Variants in PCDHGB1 observed in about 807,000 individuals in gnomAD.
PCDHGB1 encodes protocadherin gamma-B1.
PCDHGB1 carries 34 observed loss-of-function variants against 56.6 expected under a neutral mutation model. The observed-to-expected ratio is 0.60, with a 90% CI of 0.46 to 0.80. PCDHGB1 has a LOEUF of 0.80. Ranked by LOEUF, PCDHGB1 falls within the 30% of genes least tolerant of loss-of-function variation. PCDHGB1 has a pLI of 0.00. For missense variants in PCDHGB1, 1,278 were observed against 1,204.6 expected (o/e 1.06, Z -0.90); for synonymous variants, 561 against 505.9 (o/e 1.11, Z -1.46).
chr5:141,368,008 G>A (rs1189583179), intron 1 of PCDHGB1, among the ~76,000 whole-genome samples: 1 of 152,086 alleles, frequency 6.6e-6, no homozygotes, highest in African/African-American at 2.4e-5. Context: ...ATGAAATACT[G>A]GCCTATGTGC....
intron 1 of PCDHGB1, among the ~76,000 whole-genome samples, chr5:141,446,430 T>A (rs1468987045): frequency 6.6e-6 from 1 of 152,058 alleles, no homozygotes; most frequent in Non-Finnish European, 1.5e-5. Flanking sequence ...ATTTGAAGGA[T>A]CTGAGAAACA....
intron 3 of PCDHGB1, among the ~76,000 whole-genome samples, chr5:141,507,777 CT>C (rs1213538221): frequency 6.6e-6 from 1 of 152,220 alleles, no homozygotes; most frequent in Admixed American, 6.5e-5. Context: ...CACACAGGGC[CT>C]GACCCTCGTC....
intron 1 of PCDHGB1, chr5:141,382,902 G>A: frequency 6.5e-7 from 1 of 1,543,512 alleles, no homozygotes; most frequent in South Asian, 1.2e-5. Flanking sequence ...GGACGACTAT[G>A]GCGGCTCAGC....
chr5:141,443,938 G>T (rs1330111540), intron 1 of PCDHGB1, among the ~76,000 whole-genome samples: 1 of 152,014 alleles, frequency 6.6e-6, no homozygotes, highest in Non-Finnish European at 1.5e-5. Context: ...CTCACAGCAG[G>T]TTTCCTTATT....
chr5:141,393,805 C>T (rs1266380650), intron 1 of PCDHGB1: 3 of 1,613,914 alleles, frequency 1.9e-6, no homozygotes, highest in South Asian at 1.1e-5. Flanking sequence ...CTGGGGAGGA[C>T]CAAATTGCTC....
chr5:141,362,425 G>A, intron 1 of PCDHGB1: 1 of 1,614,008 alleles, frequency 6.2e-7, no homozygotes, highest in South Asian at 1.1e-5. Flanking sequence ...AGCCAAGACA[G>A]AGTTCAATTT....
At position 141,350,152 on chromosome 5, in the gene PCDHGB1, C is replaced by T. The variant is rs1758417714; in HGVS notation, c.-109C>T. 5 of 974,858 alleles carry T rather than the reference C, an allele frequency of 5.1e-6. No individual in the cohort carries two copies. The highest frequency in any genetic ancestry group is 5.7e-6 in the Non-Finnish European group (4 of 706,490). 60.4% of individuals were successfully genotyped at this position (974,858 alleles called of 1,614,324 possible). On this transcript the variant is annotated 5_prime_UTR_variant, in exon 1 of 4. Coordinates refer to ENST00000523390, the MANE Select transcript of PCDHGB1 (RefSeq NM_018922.3). ...CACAGACGCTGCTCCTGTTCACCCT[C>T]GAGCGCCTAACTAATAAGTCCTAAG...
intron 1 of PCDHGB1, chr5:141,357,292 G>T: frequency 6.2e-7 from 1 of 1,613,972 alleles, no homozygotes; most frequent in African/African-American, 1.3e-5. Flanking sequence ...GGTGGCAGTG[G>T]CCGCTGTCTC....
intron 1 of PCDHGB1, among the ~76,000 whole-genome samples, chr5:141,363,316 T>C (rs551675221): frequency 4.6e-5 from 7 of 152,280 alleles, no homozygotes; most frequent in Non-Finnish European, 1.0e-4. Context: ...TAGTTTTCTA[T>C]GAAAGTGTTA....
At chr5:141,419,431 G>A in intron 1 of PCDHGB1, 2 of 1,613,306 alleles carry the variant, frequency 1.2e-6, no homozygotes. Context: ...ACCACGAGCA[G>A]CTGCGCACCT....
At chr5:141,366,288 C>G (rs1020562585) in intron 1 of PCDHGB1, 1 of 1,613,748 alleles carries the variant, frequency 6.2e-7, no homozygotes, top group Non-Finnish European at 8.5e-7. Flanking sequence ...GGCCAGCCCC[C>G]TCTGTCAGCC....
chr5:141,366,249 A>G (rs1307246069), intron 1 of PCDHGB1: 1 of 1,613,634 alleles, frequency 6.2e-7, no homozygotes, highest in Non-Finnish European at 8.5e-7. Context: ...GCGCTCAAGC[A>G]GAGCCTCGTG....
At chr5:141,382,541 T>G (rs1388934219) in intron 1 of PCDHGB1, among the ~76,000 whole-genome samples, 2 of 152,224 alleles carry the variant, frequency 1.3e-5, no homozygotes, top group African/African-American at 4.8e-5. Context: ...GATTTTTAAT[T>G]ATCAGGGATA....
At chr5:141,433,266 T>C in intron 1 of PCDHGB1, 1 of 1,315,306 alleles carries the variant, frequency 7.6e-7, no homozygotes, top group Non-Finnish European at 1.1e-6. Flanking sequence ...CGATCATAGC[T>C]CACTGCAGCC....
At chr5:141,415,372 G>A in intron 1 of PCDHGB1, 1 of 1,614,252 alleles carries the variant, frequency 6.2e-7, no homozygotes, top group Non-Finnish European at 8.5e-7. Flanking sequence ...GCAGGCTTCA[G>A]GAGGCGGCTT....
chr5:141,403,237 C>T (rs1293614874), intron 1 of PCDHGB1: 1 of 1,613,824 alleles, frequency 6.2e-7, no homozygotes, highest in Non-Finnish European at 8.5e-7. Flanking sequence ...GGGAGGAGCT[C>T]TGTGCTCAGA....
At position 141,389,081 on chromosome 5, in the gene PCDHGB1, G is replaced by A. The variant is rs371979686; in HGVS notation, c.2409+36412G>A. On this transcript the variant is annotated intron_variant, in intron 1 of 3. Transcript: ENST00000523390. Reference sequence around the variant, plus strand: ...AAATATTAACTTCTTCAAGAAACACGTATAAATTAGTGACAGATGCTGTTC... The same window carrying A: ...AAATATTAACTTCTTCAAGAAACACATATAAATTAGTGACAGATGCTGTTC... 1.5e-5 allele frequency: 24 copies of A among 1,613,978 alleles called. No homozygotes were observed. In the South Asian group the frequency reaches 2.0e-4, roughly 13 times the overall value.
intron 1 of PCDHGB1, among the ~76,000 whole-genome samples, chr5:141,373,074 A>G (rs910796457): frequency 6.6e-6 from 1 of 152,228 alleles, no homozygotes; most frequent in Non-Finnish European, 1.5e-5. Flanking sequence ...TTTTTAATAC[A>G]GTATTATCTC....
Position 141,432,521 on chromosome 5 carries a change from G to C in PCDHGB1, c.2410-62286G>C. ...CCGCTCCGCAGAGCCCGGCTACCTG[G>C]TGACCAAGGTGGTGGCGGTGGACAG... On this transcript the variant is annotated intron_variant, in intron 1 of 3. Transcript: ENST00000523390. The surrounding 1 kb of genome is among the most constrained non-coding windows in gnomAD (Gnocchi z 6.0). 1.2e-6 allele frequency: 2 copies of C among 1,614,112 alleles called. No individual in the cohort carries two copies. The highest frequency in any genetic ancestry group is 1.7e-6 in the Non-Finnish European group (2 of 1,180,028).
Sources: gnomAD v4.1 joint callset for allele counts (sites outside exome capture counted in the v4.1 genomes callset) on GRCh38, gnomAD v4.1.1 for gene constraint, Gnocchi (gnomAD v3.1) non-coding constraint, MANE v1.5 for transcripts, NCBI Gene and HGNC (gene_info 2026-07-23, HGNC 2026-07-21) for gene names.